Variants in ATRX observed in about 807,000 individuals in gnomAD.
The protein encoded by ATRX is ATRX chromatin remodeler, also known as chromatin remodeler ATRX.
A neutral mutation model predicts 172.6 loss-of-function variants in ATRX; 12 were observed. The ratio of observed to expected loss-of-function variants is 0.07; its 90% CI spans 0.04 to 0.11. The LOEUF (loss-of-function observed/expected upper bound fraction) is 0.11, where lower values mean the gene tolerates loss of function less well. ATRX is among the 10% of genes least tolerant of loss of function. ATRX has a pLI of 1.00. For missense variants in ATRX, 1,368 were observed against 1,767.4 expected (o/e 0.77, Z 4.05); for synonymous variants, 674 against 594.7 (o/e 1.13, Z -1.94).
chrX:77,737,671 T>A (rs1360787522), intron 1 of ATRX, among the ~76,000 whole-genome samples: 1 of 110,863 alleles, frequency 9.0e-6, no homozygotes. Flanking sequence ...TTACATGATG[T>A]GATTAGTACA....
At position 77,559,923 on chromosome X, in the gene ATRX, G is replaced by A. The variant is rs1192993107; in HGVS notation, c.6327-1077C>T. ...ATTCAAGTGGCTTACAAATATTTAC[G>A]TAGCCACAATAAAGAAAATACTGCA... On this transcript the variant is annotated intron_variant, in intron 28 of 34. Transcript: ENST00000373344. Among the ~76,000 whole-genome samples, 5 of 111,950 alleles carry A rather than the reference G, an allele frequency of 4.5e-5. No homozygotes were observed. The East Asian group carries it at 1.4e-3, about 31-fold the overall frequency.
chrX:77,665,545 A>ATGATTAGT (rs2070189612), intron 10 of ATRX, among the ~76,000 whole-genome samples: 1 of 111,811 alleles, frequency 8.9e-6, no homozygotes, highest in South Asian at 3.7e-4. Context: ...GCTAATGGAA[A>ATGATTAGT]AATCAATTAC....
intron 15 of ATRX, 58 bp downstream of exon 15, chrX:77,652,056 G>C: frequency 8.5e-7 from 1 of 1,170,506 alleles, no homozygotes; most frequent in Non-Finnish European, 1.2e-6. Context: ...GCCAGCCTGG[G>C]CAACAGAGCA....
intron 1 of ATRX, among the ~76,000 whole-genome samples, chrX:77,726,875 A>G (rs1387917832): frequency 1.8e-5 from 2 of 111,372 alleles, no homozygotes; most frequent in African/African-American, 3.3e-5. Flanking sequence ...TGAATGTTTT[A>G]CTGCTTTTTT....
intron 27 of ATRX, 28 bp from the exon 28 acceptor site, chrX:77,574,386 G>A (rs781849433): frequency 1.1e-4 from 121 of 1,064,136 alleles, no homozygotes; most frequent in Non-Finnish European, 1.2e-4. Context: ...GAACACAAAA[G>A]GAATTTGATA....
chrX:77,726,268 A>G (rs1169143028), intron 1 of ATRX, among the ~76,000 whole-genome samples: 1 of 110,956 alleles, frequency 9.0e-6, no homozygotes, highest in Non-Finnish European at 1.9e-5. Context: ...TGTGGCACAT[A>G]CACACCATGG....
At chrX:77,695,135 G>C (rs1557149227) in intron 5 of ATRX, among the ~76,000 whole-genome samples, 1 of 108,405 alleles carries the variant, frequency 9.2e-6, no homozygotes, top group Non-Finnish European at 1.9e-5. Flanking sequence ...AGAGTGAAAA[G>C]AGCACTCACT....
At chrX:77,559,087 A>C (rs1397055306) in intron 28 of ATRX, among the ~76,000 whole-genome samples, 2 of 111,557 alleles carry the variant, frequency 1.8e-5, no homozygotes, top group Non-Finnish European at 3.8e-5. Context: ...GATGAAATGA[A>C]AAATCAAATA....
intron 1 of ATRX, among the ~76,000 whole-genome samples, chrX:77,773,916 T>A: frequency 9.0e-6 from 1 of 111,269 alleles, no homozygotes; most frequent in South Asian, 3.8e-4. Context: ...TCAACTGGCC[T>A]GTGTTCTTTT....
intron 9 of ATRX, among the ~76,000 whole-genome samples, chrX:77,679,184 T>C (rs1248036960): frequency 6.3e-5 from 7 of 111,311 alleles, no homozygotes; most frequent in African/African-American, 3.3e-5. Flanking sequence ...CTTGTTTCTA[T>C]TGACAAGGCC....
intron 2 of ATRX, among the ~76,000 whole-genome samples, chrX:77,701,658 G>A (rs1557153598): frequency 9.0e-6 from 1 of 111,679 alleles, no homozygotes; most frequent in African/African-American, 3.3e-5. Context: ...ACAAGGCAAG[G>A]AAATCTGCTC....
chrX:77,643,299 G>A (rs1477004469), intron 15 of ATRX, among the ~76,000 whole-genome samples: 6 of 110,501 alleles, frequency 5.4e-5, no homozygotes, highest in African/African-American at 1.6e-4. Flanking sequence ...CAACTGCAAC[G>A]TGACTACAGG....
chrX:77,521,162 A>T, intron 33 of ATRX: 1 of 434,556 alleles, frequency 2.3e-6, no homozygotes, highest in Middle Eastern at 6.3e-4. Context: ...ATGTTTATAT[A>T]AACAATGCAT....
At chrX:77,745,959 C>T (rs1220204988) in intron 1 of ATRX, among the ~76,000 whole-genome samples, 1 of 111,271 alleles carries the variant, frequency 9.0e-6, no homozygotes, top group Admixed American at 9.6e-5. Context: ...GAGGTATCAT[C>T]CAGCCCCAGT....
chrX:77,719,724 A>T (rs967520413), intron 1 of ATRX, among the ~76,000 whole-genome samples: 1 of 111,427 alleles, frequency 9.0e-6, no homozygotes, highest in Non-Finnish European at 1.9e-5. Context: ...ACTCTCACAC[A>T]ATAATAGTGG....
intron 21 of ATRX, among the ~76,000 whole-genome samples, chrX:77,617,872 G>A (rs1425138455): frequency 2.7e-5 from 3 of 109,524 alleles, no homozygotes; most frequent in South Asian, 7.9e-4. Flanking sequence ...GCGCACCACC[G>A]TGGCTGGCTA....
intron 9 of ATRX, among the ~76,000 whole-genome samples, chrX:77,678,393 G>GTC (rs1169725800): frequency 3.6e-5 from 4 of 112,207 alleles, no homozygotes; most frequent in African/African-American, 1.3e-4. Flanking sequence ...ATCCTTTGAA[G>GTC]TTCAAATGCC....
At chrX:77,558,532 G>A in intron 29 of ATRX, 137 bp downstream of exon 29, 1 of 540,472 alleles carries the variant, frequency 1.9e-6, no homozygotes, top group Non-Finnish European at 3.0e-6. Context: ...AGCCAAAACT[G>A]ACTTCTGCTG....
chrX:77,693,742 T>C, intron 6 of ATRX, 82 bp downstream of exon 6: 2 of 729,022 alleles, frequency 2.7e-6, no homozygotes, highest in South Asian at 4.4e-5. Flanking sequence ...AAAGTGGAGG[T>C]ATTTTTAGTA....
Sources: gnomAD v4.1 joint callset for allele counts (sites outside exome capture counted in the v4.1 genomes callset) on GRCh38, gnomAD v4.1.1 for gene constraint, MANE v1.5 for transcripts, NCBI Gene and HGNC (gene_info 2026-07-23, HGNC 2026-07-21) for gene names.